Variants in DHDDS observed in about 807,000 individuals in gnomAD.
DHDDS encodes the protein dehydrodolichyl diphosphate synthase subunit, also known as dehydrodolichyl diphosphate synthase complex subunit DHDDS.
Under a neutral mutation model 46.2 loss-of-function variants are expected in DHDDS, and 16 were observed. That is an observed-to-expected ratio of 0.35 (90% confidence interval 0.23 to 0.53). The LOEUF (loss-of-function observed/expected upper bound fraction) is 0.53. Ranked by LOEUF, DHDDS falls within the 20% of genes least tolerant of loss-of-function variation. The pLI is 0.94. For synonymous variants in DHDDS, 151 were observed against 163.1 expected (o/e 0.93, Z 0.56); for missense variants, 340 against 423.7 (o/e 0.80, Z 1.73).
intron 1 of DHDDS, 52 bp from the exon 2 acceptor site, chr1:26,432,839 T>C (rs2075117275): frequency 3.4e-6 from 4 of 1,167,286 alleles, no homozygotes; most frequent in Non-Finnish European, 3.8e-6. Context: ...AAGTCAGTTA[T>C]AGCTCTTCGC....
intron 3 of DHDDS, 143 bp from the exon 4 acceptor site, chr1:26,442,588 G>T: frequency 4.3e-6 from 4 of 939,784 alleles, no homozygotes; most frequent in Non-Finnish European, 7.0e-6. Flanking sequence ...CATAAACACT[G>T]ATGTTATCCT....
rs2075551475 is a variant in DHDDS at position 26,471,001 on chromosome 1, T to C, written c.*1870T>C. 6.6e-6 allele frequency: 1 copy of C among 152,206 alleles called. No homozygotes were observed. The highest frequency in any genetic ancestry group is 1.5e-5 in the Non-Finnish European group (1 of 68,108). 9.4% of individuals were successfully genotyped at this position (152,206 alleles called of 1,614,324 possible). ...CATCTCTCTTTGGCCTGAGGTTCTG[T>C]ATTCTGGGAAAGGTACACAGGGTGG... On this transcript the variant is annotated 3_prime_UTR_variant, in exon 9 of 9. Transcript: ENST00000236342.
chr1:26,456,836 A>G (rs2075374292), intron 6 of DHDDS, among the ~76,000 whole-genome samples: 2 of 152,226 alleles, frequency 1.3e-5, no homozygotes, highest in Admixed American at 6.5e-5. Context: ...GTATACTTAT[A>G]TGCACGTGTG....
chr1:26,436,569 G>A (rs1385542151), intron 2 of DHDDS, among the ~76,000 whole-genome samples: 1 of 151,712 alleles, frequency 6.6e-6, no homozygotes, highest in African/African-American at 2.4e-5. Flanking sequence ...GACTACAGGC[G>A]CCCACCACCA....
chr1:26,454,777 G>C, intron 6 of DHDDS: 1 of 1,579,872 alleles, frequency 6.3e-7, no homozygotes, highest in South Asian at 1.1e-5. Context: ...TCATGGATGG[G>C]TTAATCCAAC....
intron 4 of DHDDS, chr1:26,443,131 A>G (rs1570339397): frequency 2.0e-6 from 1 of 494,966 alleles, no homozygotes; most frequent in East Asian, 5.0e-5. Flanking sequence ...AGCCAGCCTC[A>G]AGCAAAACTG....
chr1:26,468,436 GTTTC>G (rs1240942337), intron 8 of DHDDS, among the ~76,000 whole-genome samples: 5 of 152,162 alleles, frequency 3.3e-5, no homozygotes, highest in Non-Finnish European at 5.9e-5. Flanking sequence ...TAAAATTGCT[GTTTC>G]TGTCTAAGAG....
chr1:26,438,378 T>A, intron 3 of DHDDS, 94 bp downstream of exon 3: 1 of 1,144,362 alleles, frequency 8.7e-7, no homozygotes, highest in Non-Finnish European at 1.3e-6. Flanking sequence ...GGTTGGAGAG[T>A]GTTTTTTGTA....
chr1:26,444,333 A>T (rs1444783645), intron 4 of DHDDS, among the ~76,000 whole-genome samples: 2 of 152,084 alleles, frequency 1.3e-5, no homozygotes, highest in Non-Finnish European at 2.9e-5. Flanking sequence ...TACCTATTTT[A>T]TGTGTTGGGC....
intron 6 of DHDDS, among the ~76,000 whole-genome samples, chr1:26,450,997 C>G (rs576970803): frequency 6.6e-6 from 1 of 152,288 alleles, no homozygotes; most frequent in East Asian, 1.9e-4. Context: ...ATCTTGACTC[C>G]TAGTCCAGCA....
chr1:26,459,551 T>C (rs1332473628), intron 7 of DHDDS, among the ~76,000 whole-genome samples: 1 of 152,224 alleles, frequency 6.6e-6, no homozygotes, highest in Non-Finnish European at 1.5e-5. Context: ...AAATAAATGG[T>C]AAATGGTTGG....
intron 2 of DHDDS, among the ~76,000 whole-genome samples, chr1:26,434,306 C>T (rs539873841): frequency 1.3e-5 from 2 of 152,314 alleles, no homozygotes; most frequent in East Asian, 3.9e-4. Context: ...TTTTCAACCA[C>T]AGGCTGTCAA....
At chr1:26,449,208 T>C (rs1557441607) in intron 6 of DHDDS, among the ~76,000 whole-genome samples, 1 of 151,854 alleles carries the variant, frequency 6.6e-6, no homozygotes, top group Non-Finnish European at 1.5e-5. Context: ...CAGCAATTCT[T>C]CCACCTCAGC....
intron 6 of DHDDS, among the ~76,000 whole-genome samples, chr1:26,450,401 C>A (rs1253842069): frequency 6.6e-6 from 1 of 152,160 alleles, no homozygotes; most frequent in Non-Finnish European, 1.5e-5. Flanking sequence ...CTTGCCCTGG[C>A]CTCCCAAAAT....
chr1:26,460,136 G>A lies in DHDDS; in HGVS notation c.757G>A (p.Val253Met), dbSNP rs3816539. 0.25 allele frequency: 408,172 copies of A among 1,611,146 alleles called. 62,197 individuals are homozygous for A. The highest frequency in any genetic ancestry group is 0.75 in the East Asian group (33,567 of 44,840). Reference sequence around the variant, plus strand: ...CCTGCAGTTCCAGATGAACCATAGCGTGCTTCAGGTAAGAAAGAGTTCAGG... The same window carrying A: ...CCTGCAGTTCCAGATGAACCATAGCATGCTTCAGGTAAGAAAGAGTTCAGG... The part of the protein sequence containing the change: ...AILQFQMNHS[V>M]LQKARDMYAE... Residue 253 changes from valine to methionine, a missense_variant, in exon 8 of 9, where the codon GTG becomes ATG. Coordinates refer to ENST00000236342, the MANE Select transcript of DHDDS (RefSeq NM_205861.3).
intron 7 of DHDDS, 28 bp from the exon 8 acceptor site, chr1:26,460,009 A>G (rs1557448613): frequency 6.3e-7 from 1 of 1,584,696 alleles, no homozygotes; most frequent in African/African-American, 1.3e-5. Context: ...ATGTTACTAA[A>G]TCATACTCTC....
intron 6 of DHDDS, among the ~76,000 whole-genome samples, chr1:26,451,405 TG>T (rs894484308): frequency 1.6e-3 from 4 of 2,568 alleles, no homozygotes; most frequent in Admixed American, 0.014. Flanking sequence ...TGTATGTAGA[TG>T]TGTGTGTGTG....
intron 8 of DHDDS, 84 bp from the exon 9 acceptor site, chr1:26,468,803 CACCCTGTG>C: frequency 2.3e-6 from 3 of 1,292,378 alleles, no homozygotes; most frequent in Admixed American, 2.1e-5. Flanking sequence ...TCACTTGGCC[CACCCTGTG>C]CCCCACCCCC....
chr1:26,444,155 G>A (rs371543938), intron 4 of DHDDS, among the ~76,000 whole-genome samples: 4 of 152,146 alleles, frequency 2.6e-5, no homozygotes, highest in Admixed American at 1.3e-4. Flanking sequence ...ATGAGATTGC[G>A]CTGATCAGTT....
Sources: allele counts gnomAD v4.1 joint callset (sites outside exome capture counted in the v4.1 genomes callset), GRCh38; gene constraint gnomAD v4.1.1; transcripts MANE v1.5; gene names NCBI Gene and HGNC (gene_info 2026-07-23, HGNC 2026-07-21).